The following CCNT2 variants were observed in gnomAD, a reference collection of about 807,000 sequenced individuals.
CCNT2 encodes the protein cyclin-T2.
CCNT2 carries 18 observed loss-of-function variants against 70.0 expected under a neutral mutation model. That is an observed-to-expected ratio of 0.26 (90% CI 0.18 to 0.38). The LOEUF (loss-of-function observed/expected upper bound fraction) is 0.38. CCNT2 is among the 10% of genes least tolerant of loss of function. The pLI, the probability that CCNT2 is intolerant of heterozygous loss-of-function variation, is 1.00. For synonymous variants in CCNT2, 334 were observed against 313.3 expected (o/e 1.07, Z -0.70); for missense variants, 734 against 890.2 (o/e 0.82, Z 2.23).
At position 134,950,127 on chromosome 2, in the gene CCNT2, C is replaced by G. The variant is rs551619091; in HGVS notation, c.703+2228C>G. 4.2e-4 allele frequency among the ~76,000 whole-genome samples: 64 copies of G among 152,244 alleles called. No homozygotes were observed. The South Asian group carries it at 8.3e-3, about 20-fold the overall frequency. On this transcript the variant is annotated intron_variant, in intron 7 of 8. Transcript: ENST00000264157. ...ATCGTAATAAAAATAGTTTATATAC[C>G]TGGTGCTGAAGTAAAAAGATCACAG...
intron 2 of CCNT2, among the ~76,000 whole-genome samples, chr2:134,935,864 G>C (rs752694700): frequency 2.6e-4 from 40 of 151,700 alleles, no homozygotes; most frequent in Admixed American, 6.6e-5. Flanking sequence ...CTACTATATT[G>C]GTTTATATTA....
intron 4 of CCNT2, among the ~76,000 whole-genome samples, chr2:134,940,164 C>G (rs539913403): frequency 4.2e-4 from 64 of 152,248 alleles, no homozygotes; most frequent in African/African-American, 1.5e-3. Context: ...AAATCAGTCA[C>G]AATTTCCCAT....
Position 134,929,190 on chromosome 2 carries a change from T to A in CCNT2, c.241-7651T>A, listed in dbSNP as rs555388730. On this transcript the variant is annotated intron_variant, in intron 2 of 8. Transcript: ENST00000264157. ...ACAAAACCTGATTCTACTTTTAAAT[T>A]AACAAATGTGTGATAAAGTTACACA... Among the ~76,000 whole-genome samples, 4 of 152,372 alleles carry A rather than the reference T, an allele frequency of 2.6e-5. No homozygotes were observed. In the South Asian group the frequency reaches 8.3e-4, roughly 32 times the overall value.
rs146993850 is a variant in CCNT2 at position 134,923,550 on chromosome 2, G to A, written c.240+3659G>A. On this transcript the variant is annotated intron_variant, in intron 2 of 8. Coordinates refer to ENST00000264157, the MANE Select transcript of CCNT2 (RefSeq NM_058241.3). ...TGTCCAGTAGAACTTTCTGCATAGC[G>A]CAAGTTTTGTGTATCTGTGCTCTTC... is the stretch of plus-strand genomic sequence containing the variant. 2.0e-3 allele frequency among the ~76,000 whole-genome samples: 297 copies of A among 152,252 alleles called. 3 individuals carry two copies. Among genetic ancestry groups the A allele is most frequent in the African/African-American group, 7.0e-3 (290 of 41,544 alleles).
chr2:134,926,346 G>A (rs1360114274), intron 2 of CCNT2, among the ~76,000 whole-genome samples: 3 of 152,206 alleles, frequency 2.0e-5, no homozygotes, highest in Non-Finnish European at 4.4e-5. Context: ...GTTCAGAAGT[G>A]TAGCAGCTTA....
At position 134,921,407 on chromosome 2, in the gene CCNT2, A is replaced by G. The variant is rs568705954; in HGVS notation, c.240+1516A>G. ...CTCACTCTGTCACCCAAGCTGGAGT[A>G]CAGTGGCGCTGTCACAGCTCACCAC... On this transcript the variant is annotated intron_variant, in intron 2 of 8. Transcript: ENST00000264157. Among the ~76,000 whole-genome samples the G allele has an allele frequency of 1.1e-3, 169 of 151,972 alleles. 4 individuals are homozygous for G. The South Asian group carries it at 0.034, about 31-fold the overall frequency.
intron 5 of CCNT2, chr2:134,944,505 G>A (rs535100090): frequency 2.1e-6 from 2 of 964,564 alleles, no homozygotes; most frequent in African/African-American, 3.5e-5. Context: ...AAATTCTAGA[G>A]ACATGAAGTC....
At chr2:134,930,438 A>G (rs1295050984) in intron 2 of CCNT2, among the ~76,000 whole-genome samples, 1 of 152,210 alleles carries the variant, frequency 6.6e-6, no homozygotes, top group Non-Finnish European at 1.5e-5. Flanking sequence ...ACTGGCTATT[A>G]TGAATAATGC....
intron 5 of CCNT2, chr2:134,945,034 G>C (rs1303476287): frequency 1.0e-6 from 1 of 985,250 alleles, no homozygotes; most frequent in African/African-American, 1.7e-5. Flanking sequence ...TCATTTTACA[G>C]GGACCTTCAC....
At position 134,954,528 on chromosome 2, in the gene CCNT2, A is replaced by G. The variant is rs752142950; in HGVS notation, c.2073A>G (p.Pro691=). The G allele has an allele frequency of 1.2e-6, 2 of 1,614,046 alleles. No homozygotes were observed. Among genetic ancestry groups the G allele is most frequent in the African/African-American group, 1.3e-5 (1 of 74,938 alleles). The change falls in exon 9 of 9, where the codon CCA becomes CCG. Residue 691 remains proline, a synonymous_variant. Coordinates refer to ENST00000264157, the MANE Select transcript of CCNT2 (RefSeq NM_058241.3). ...CCCTCGTGAAACTGGACAAGAAGCC[A>G]GTGGAGACCAACGGTCCTGATGCCA... The part of the protein sequence containing the change: ...LSTLVKLDKK[P]VETNGPDANH...
chr2:134,929,757 C>T (rs1680599414), intron 2 of CCNT2, among the ~76,000 whole-genome samples: 1 of 150,218 alleles, frequency 6.7e-6, no homozygotes, highest in Non-Finnish European at 1.5e-5. Flanking sequence ...TCAAGTGATT[C>T]TCCTGCCTCA....
intron 2 of CCNT2, among the ~76,000 whole-genome samples, chr2:134,920,619 G>T (rs1444509462): frequency 6.6e-6 from 1 of 152,154 alleles, no homozygotes; most frequent in African/African-American, 2.4e-5. Flanking sequence ...TGAGTAACAC[G>T]CATACTGTGT....
intron 4 of CCNT2, among the ~76,000 whole-genome samples, chr2:134,941,979 C>G (rs1164225070): frequency 6.6e-6 from 1 of 152,106 alleles, no homozygotes; most frequent in African/African-American, 2.4e-5. Context: ...GTGATCTTCA[C>G]TTTTAATAAA....
At chr2:134,929,291 T>C (rs1680543188) in intron 2 of CCNT2, among the ~76,000 whole-genome samples, 1 of 152,078 alleles carries the variant, frequency 6.6e-6, no homozygotes, top group Non-Finnish European at 1.5e-5. Flanking sequence ...ATTTCTTTTG[T>C]TAGTGCATGC....
Position 134,958,235 on chromosome 2 carries a change from A to G in CCNT2, c.*3587A>G, listed in dbSNP as rs898835796. ...CTTAGGAAAACCATTCTCTCAAGGT[A>G]TTACACCATTTCCAATTTTATCCAA... On this transcript the variant is annotated 3_prime_UTR_variant, in exon 9 of 9. Transcript: ENST00000264157. 6.6e-6 allele frequency: 1 copy of G among 152,232 alleles called. No homozygotes were observed. Among genetic ancestry groups the G allele is most frequent in the African/African-American group, 2.4e-5 (1 of 41,458 alleles). 9.4% of individuals were successfully genotyped at this position (152,232 alleles called of 1,614,324 possible). A position where few individuals can be genotyped will look rare whatever the true frequency, so the allele number is the denominator to read the frequency against.
At position 134,943,004 on chromosome 2, in the gene CCNT2, AT is replaced by A. The variant is rs1188083002; in HGVS notation, c.493+331del. The A allele has an allele frequency of 4.1e-6, 4 of 985,292 alleles. No individual in the cohort carries two copies. In the African/African-American group the frequency reaches 7.0e-5, roughly 17 times the overall value. 61.0% of individuals were successfully genotyped at this position (985,292 alleles called of 1,614,324 possible). ...GGCCAATAGTGCATAGGTTCAGAAAATAATATTAATTTTGGGTTTGTGTCAA... is the reference window on the plus strand; with the variant it reads ...GGCCAATAGTGCATAGGTTCAGAAAAAATATTAATTTTGGGTTTGTGTCAA... On this transcript the variant is annotated intron_variant, in intron 5 of 8. Transcript: ENST00000264157.
At chr2:134,931,262 C>CTTTTTTGTTTTTTTTTTTTTTTTTTT (rs1680738435) in intron 2 of CCNT2, among the ~76,000 whole-genome samples, 1 of 42,418 alleles carries the variant, frequency 2.4e-5, no homozygotes. Context: ...ATGCCCGGAT[C>CTTTTTTGTTTTTTTTTTTTTTTTTTT]TTTTTTTTTT....
At chr2:134,941,382 A>C (rs1363636203) in intron 4 of CCNT2, among the ~76,000 whole-genome samples, 4 of 152,250 alleles carry the variant, frequency 2.6e-5, no homozygotes, top group African/African-American at 9.6e-5. Flanking sequence ...GTGTTGTAAA[A>C]ATACAGTATA....
intron 4 of CCNT2, among the ~76,000 whole-genome samples, 167 bp from the exon 5 acceptor site, chr2:134,942,445 T>A (rs1441745417): frequency 6.6e-6 from 1 of 152,184 alleles, no homozygotes; most frequent in Non-Finnish European, 1.5e-5. Flanking sequence ...ACATTGTATT[T>A]GAAAAATTAT....
Sources: allele counts gnomAD v4.1 joint callset (sites outside exome capture counted in the v4.1 genomes callset), GRCh38; gene constraint gnomAD v4.1.1; transcripts MANE v1.5; gene names NCBI Gene and HGNC (gene_info 2026-07-23, HGNC 2026-07-21).